Variants in NLRP1 observed in about 807,000 individuals in gnomAD.
The protein encoded by NLRP1 is NLR family pyrin domain containing 1, also known as NACHT, LRR and PYD domains-containing protein 1.
NLRP1 carries 94 observed loss-of-function variants against 136.7 expected under a neutral mutation model. The observed-to-expected ratio is 0.69, with a 90% CI of 0.58 to 0.82. NLRP1 has a LOEUF of 0.82. Among genes scored for constraint, NLRP1 ranks in the 40% least tolerant of loss-of-function variants. The pLI is 0.00. For synonymous variants in NLRP1, 690 were observed against 725.1 expected (o/e 0.95, Z 0.78); for missense variants, 1,575 against 1,802.7 (o/e 0.87, Z 2.29).
intron 5 of NLRP1, among the ~76,000 whole-genome samples, chr17:5,552,919 C>A (rs1033481370): frequency 2.0e-5 from 3 of 152,184 alleles, no homozygotes; most frequent in East Asian, 3.9e-4. Flanking sequence ...ATCTTGTCAA[C>A]CTTCTGCTTA....
intron 13 of NLRP1, 125 bp from the exon 14 acceptor site, chr17:5,521,137 T>C (rs904317687): frequency 5.1e-5 from 47 of 923,470 alleles, no homozygotes; most frequent in Non-Finnish European, 7.2e-5. Context: ...CCTGCCTCCC[T>C]CCCCCCATGC....
At position 5,517,766 on chromosome 17, in the gene NLRP1, C is replaced by A; in HGVS notation, c.4037G>T (p.Trp1346Leu). 1 of 1,614,212 alleles carries A rather than the reference C, an allele frequency of 6.2e-7. No individual in the cohort carries two copies. The highest frequency in any genetic ancestry group is 8.5e-7 in the Non-Finnish European group (1 of 1,180,034). The change falls in exon 15 of 17, where the codon TGG becomes TTG. Residue 1346 changes from tryptophan to leucine, a missense_variant. Transcript: ENST00000572272. Reference protein sequence around the residue: ...VKDKKDETLVWEALVKPGDLM... With the variant: ...VKDKKDETLVLEALVKPGDLM... The stretch of plus-strand genomic sequence containing the variant: ...TTTACCTGGTTTCACCAAGGCCTCC[C>A]ACACCAGAGTCTCATCTTTCTTGTC...
chr17:5,569,022 A>G (rs1915608268), intron 3 of NLRP1, among the ~76,000 whole-genome samples: 1 of 152,180 alleles, frequency 6.6e-6, no homozygotes, highest in African/African-American at 2.4e-5. Context: ...ATACAGCCAA[A>G]CTAAGCCTTA....
chr17:5,521,407 C>G, intron 13 of NLRP1, 117 bp downstream of exon 13: 2 of 1,079,850 alleles, frequency 1.9e-6, no homozygotes, highest in Non-Finnish European at 2.7e-6. Context: ...TCAAGGTTCT[C>G]CTGTACAAGA....
chr17:5,561,771 C>T (rs1555547864), intron 3 of NLRP1, among the ~76,000 whole-genome samples: 1 of 152,208 alleles, frequency 6.6e-6, no homozygotes, highest in Non-Finnish European at 1.5e-5. Context: ...TGCCATGAAA[C>T]TGTTCTTTGG....
intron 4 of NLRP1, among the ~76,000 whole-genome samples, chr17:5,555,899 C>T (rs1038533535): frequency 1.3e-5 from 2 of 151,008 alleles, no homozygotes; most frequent in Non-Finnish European, 2.9e-5. Flanking sequence ...TCAAGACCAA[C>T]CTGGCCAACA....
intron 2 of NLRP1, 92 bp downstream of exon 2, chr17:5,582,578 G>A: frequency 8.2e-7 from 1 of 1,218,270 alleles, no homozygotes; most frequent in Non-Finnish European, 1.2e-6. Context: ...CCCATGTCAG[G>A]TCCCCATGCA....
At chr17:5,522,275 C>T (rs944622458) in intron 12 of NLRP1, among the ~76,000 whole-genome samples, 1 of 152,192 alleles carries the variant, frequency 6.6e-6, no homozygotes, top group Non-Finnish European at 1.5e-5. Flanking sequence ...GAAATTCTAA[C>T]CCCCAAGGTG....
chr17:5,553,447 A>C lies in NLRP1; in HGVS notation c.2467T>G (p.Ser823Ala), dbSNP rs1471513430. ...LDLSGNSLSH[S>A]AVKSLCKTLR... ...GTCTTACAAAGACTCTTCACTGCAG[A>C]GTGGCTCAGCGAGTTTCCACTTAGG... Residue 823 changes from serine (S) to alanine (A), a missense_variant, in exon 5 of 17, where the codon TCT (serine) becomes GCT (alanine). Coordinates refer to ENST00000572272, the MANE Select transcript of NLRP1 (RefSeq NM_033004.4). The C allele has an allele frequency of 6.2e-7, 1 of 1,614,060 alleles. No homozygotes were observed. Among genetic ancestry groups the C allele is most frequent in the East Asian group, 2.2e-5 (1 of 44,896 alleles).
In NLRP1 at chr17:5,567,504, T is replaced by C. The variant is rs1915462371; in HGVS notation, c.653-7461A>G. 2.0e-5 allele frequency among the ~76,000 whole-genome samples: 3 copies of C among 152,162 alleles called. No homozygotes were observed. The South Asian group carries it at 6.2e-4, about 31-fold the overall frequency. On this transcript the variant is annotated intron_variant, in intron 3 of 16. Transcript: ENST00000572272. ...TTAAACTTTTTGTTGTTTCTATTTA[T>C]ATATTATTTTACTGACTGTGTCTTG...
intron 4 of NLRP1, among the ~76,000 whole-genome samples, chr17:5,556,242 G>A (rs1914065333): frequency 6.6e-6 from 1 of 152,042 alleles, no homozygotes; most frequent in African/African-American, 2.4e-5. Flanking sequence ...TTGAGCCCAG[G>A]AGTTTGAGAC....
At chr17:5,545,405 C>T (rs1285533550) in intron 5 of NLRP1, among the ~76,000 whole-genome samples, 1 of 150,978 alleles carries the variant, frequency 6.6e-6, no homozygotes, top group African/African-American at 2.4e-5. Context: ...CACACGGATA[C>T]ACACACACAT....
At chr17:5,556,211 A>G (rs921532234) in intron 4 of NLRP1, among the ~76,000 whole-genome samples, 1 of 151,658 alleles carries the variant, frequency 6.6e-6, no homozygotes, top group African/African-American at 2.4e-5. Context: ...GCACTTTGGG[A>G]GGTCAAGGTG....
chr17:5,511,610 C>T (rs931237257), downstream of NLRP1, among the ~76,000 whole-genome samples: 1 of 152,064 alleles, frequency 6.6e-6, no homozygotes, highest in Non-Finnish European at 1.5e-5. Context: ...AGGCTTCCGG[C>T]AACTAACGTG....
chr17:5,535,760 G>A (rs901342268), intron 8 of NLRP1, among the ~76,000 whole-genome samples: 8 of 152,190 alleles, frequency 5.3e-5, no homozygotes, highest in African/African-American at 1.7e-4. Context: ...TCCATTTCAG[G>A]TGAGCCACAG....
intron 12 of NLRP1, among the ~76,000 whole-genome samples, chr17:5,527,881 T>G (rs1015420764): frequency 1.3e-5 from 2 of 152,218 alleles, no homozygotes; most frequent in Non-Finnish European, 2.9e-5. Flanking sequence ...CGCAGGAGAC[T>G]GAGCAGGGCA....
In NLRP1 at chr17:5,582,791, G is replaced by T. The variant is rs1905835118; in HGVS notation, c.327C>A (p.Ser109Arg). 6.2e-7 allele frequency: 1 copy of T among 1,613,896 alleles called. No homozygotes were observed. Among genetic ancestry groups the T allele is most frequent in the African/African-American group, 1.3e-5 (1 of 74,916 alleles). ...SPSEPHLGSPSQPTSTAVLMP... is the reference protein window; with the variant it reads ...SPSEPHLGSPRQPTSTAVLMP... Reference sequence around the variant, plus strand: ...TTAGCACTGCGGTGGAGGTGGGTTGGCTGGGAGACCCCAGGTGGGGTTCAC... The same window carrying T: ...TTAGCACTGCGGTGGAGGTGGGTTGTCTGGGAGACCCCAGGTGGGGTTCAC... The change falls in exon 2 of 17, where the codon AGC becomes AGA. Residue 109 changes from serine to arginine, a missense_variant. Ser to Arg is a moderately radical substitution (Grantham distance 110). Transcript: ENST00000572272.
intron 3 of NLRP1, among the ~76,000 whole-genome samples, chr17:5,565,686 G>A (rs529317159): frequency 6.6e-6 from 1 of 152,260 alleles, no homozygotes; most frequent in East Asian, 1.9e-4. Context: ...GGTAATACTG[G>A]CCTCAGAGAA....
intron 11 of NLRP1, among the ~76,000 whole-genome samples, chr17:5,531,168 T>A (rs1567639719): frequency 7.0e-6 from 1 of 142,214 alleles, no homozygotes; most frequent in African/African-American, 2.7e-5. Flanking sequence ...CTATCTAATC[T>A]ATCTAATCTA....
Sources: allele counts gnomAD v4.1 joint callset (sites outside exome capture counted in the v4.1 genomes callset), GRCh38; gene constraint gnomAD v4.1.1; transcripts MANE v1.5; gene names NCBI Gene and HGNC (gene_info 2026-07-23, HGNC 2026-07-21).